PTPRM: variants seen among roughly 807,000 people sequenced by gnomAD.
PTPRM encodes the protein protein tyrosine phosphatase receptor type M, also known as receptor-type tyrosine-protein phosphatase mu.
A neutral mutation model predicts 186.7 loss-of-function variants in PTPRM; 47 were observed. The observed-to-expected ratio is 0.25, with a 90% CI of 0.20 to 0.32. PTPRM has a LOEUF of 0.32. Ranked by LOEUF, PTPRM falls within the 10% of genes least tolerant of loss-of-function variation. The probability of loss-of-function intolerance (pLI) is 1.00; values close to 1 mark genes in which losing one functional copy is unlikely to be tolerated. For missense variants in PTPRM, 1,494 were observed against 1,865.0 expected (o/e 0.80, Z 3.66); for synonymous variants, 668 against 674.9 (o/e 0.99, Z 0.16).
chr18:8,180,951 G>T (rs1418090860), intron 14 of PTPRM, among the ~76,000 whole-genome samples: 4 of 152,070 alleles, frequency 2.6e-5, no homozygotes, highest in Non-Finnish European at 5.9e-5. Context: ...GGCGGGTGGG[G>T]GGGCCCTCTC....
chr18:7,966,786 A>G (rs1038893764), intron 7 of PTPRM, among the ~76,000 whole-genome samples: 20 of 134,844 alleles, frequency 1.5e-4, no homozygotes, highest in African/African-American at 4.5e-4. Flanking sequence ...TATATCCCAC[A>G]CCTGGCTCGG....
intron 2 of PTPRM, among the ~76,000 whole-genome samples, chr18:7,850,644 C>T (rs2046815849): frequency 6.6e-6 from 1 of 152,168 alleles, no homozygotes; most frequent in African/African-American, 2.4e-5. Flanking sequence ...AAGAGTGAAT[C>T]TGAGAAGTGA....
At chr18:7,658,363 T>TATATATATATATATATATATATATATAC (rs1490051251) in intron 1 of PTPRM, among the ~76,000 whole-genome samples, 1 of 142,072 alleles carries the variant, frequency 7.0e-6, no homozygotes. Flanking sequence ...TATATATACA[T>TATATATATATATATATATATATATATAC]ACACACACAC....
At chr18:7,744,611 C>T (rs2040947868) in intron 1 of PTPRM, among the ~76,000 whole-genome samples, 1 of 152,068 alleles carries the variant, frequency 6.6e-6, no homozygotes, top group Non-Finnish European at 1.5e-5. Flanking sequence ...GTACCTGGCA[C>T]ATGGTAGGTA....
intron 1 of PTPRM, among the ~76,000 whole-genome samples, chr18:7,675,674 A>G (rs1363450088): frequency 1.3e-5 from 2 of 151,430 alleles, no homozygotes; most frequent in African/African-American, 4.9e-5. Context: ...ACCTTTGGAG[A>G]TATTCGGCAT....
At chr18:8,320,340 G>C (rs573946534) in intron 22 of PTPRM, among the ~76,000 whole-genome samples, 2 of 152,310 alleles carry the variant, frequency 1.3e-5, no homozygotes, top group South Asian at 4.1e-4. Context: ...GGAGTTAACA[G>C]ATTGAGGCTG....
chr18:8,020,243 G>A (rs991198999), intron 7 of PTPRM, among the ~76,000 whole-genome samples: 21 of 152,120 alleles, frequency 1.4e-4, no homozygotes, highest in African/African-American at 4.3e-4. Context: ...GAGGTCATCC[G>A]CAGTGCTCTG....
chr18:7,651,751 T>A (rs1211947560), intron 1 of PTPRM, among the ~76,000 whole-genome samples: 1 of 152,014 alleles, frequency 6.6e-6, no homozygotes, highest in East Asian at 1.9e-4. Context: ...AAAAATCAAT[T>A]CAAGATGGAT....
chr18:8,117,549 A>G (rs1367451324), intron 13 of PTPRM, among the ~76,000 whole-genome samples: 1 of 152,202 alleles, frequency 6.6e-6, no homozygotes, highest in African/African-American at 2.4e-5. Flanking sequence ...TTCCAAAGAC[A>G]TATTTTGACA....
At chr18:7,974,754 G>A (rs940624975) in intron 7 of PTPRM, among the ~76,000 whole-genome samples, 1 of 152,162 alleles carries the variant, frequency 6.6e-6, no homozygotes, top group Admixed American at 6.5e-5. Context: ...GGGCAGAGAA[G>A]AATAGTTCCC....
At chr18:8,292,042 T>C (rs1409900494) in intron 19 of PTPRM, among the ~76,000 whole-genome samples, 1 of 152,174 alleles carries the variant, frequency 6.6e-6, no homozygotes, top group Non-Finnish European at 1.5e-5. Context: ...CTATCCCAGT[T>C]ACTGTACTTG....
At chr18:8,137,431 T>C (rs2092662326) in intron 13 of PTPRM, among the ~76,000 whole-genome samples, 1 of 152,180 alleles carries the variant, frequency 6.6e-6, no homozygotes, top group Non-Finnish European at 1.5e-5. Context: ...TGTGTCCTGC[T>C]CGTTCCAGCC....
At chr18:7,925,637 G>C (rs972549799) in intron 4 of PTPRM, among the ~76,000 whole-genome samples, 13 of 152,094 alleles carry the variant, frequency 8.5e-5, no homozygotes, top group African/African-American at 2.4e-4. Flanking sequence ...AGATTTATCT[G>C]TCTCTCCCAG....
At chr18:8,209,392 GA>G (rs138549505) in intron 14 of PTPRM, among the ~76,000 whole-genome samples, 2,016 of 152,158 alleles carry the variant, frequency 0.013, 47 homozygotes, top group African/African-American at 0.046. Context: ...GAAGTGTCAA[GA>G]AAAAAATCAA....
chr18:8,276,263 A>C (rs746004186), intron 19 of PTPRM, among the ~76,000 whole-genome samples: 2 of 151,976 alleles, frequency 1.3e-5, no homozygotes, highest in South Asian at 2.1e-4. Context: ...TATCCTGTTT[A>C]CTGCCTATTT....
chr18:8,226,221 G>GA (rs560410365), intron 14 of PTPRM, among the ~76,000 whole-genome samples: 2 of 151,912 alleles, frequency 1.3e-5, no homozygotes, highest in Admixed American at 1.3e-4. Context: ...TTTAATTTTT[G>GA]AAAAAGCAAT....
Position 8,379,182 on chromosome 18 carries a change from A to G in PTPRM, c.3628A>G (p.Thr1210Ala). ...TCTCACGCAGACGCTAAACATGGTG[A>G]CACCAACGCTGCGAGTAGAGGACTG... ...KEEFRTLNMV[T>A]PTLRVEDCSI... Residue 1210 changes from threonine to alanine, a missense_variant, in exon 28 of 33, where the codon ACA (threonine) becomes GCA (alanine). Transcript: ENST00000580170. 6.2e-7 allele frequency: 1 copy of G among 1,605,534 alleles called. No homozygotes were observed. Among genetic ancestry groups the G allele is most frequent in the South Asian group, 1.1e-5 (1 of 89,892 alleles).
At chr18:7,643,358 G>T (rs1267285583) in intron 1 of PTPRM, among the ~76,000 whole-genome samples, 2 of 151,694 alleles carry the variant, frequency 1.3e-5, no homozygotes, top group African/African-American at 4.8e-5. Context: ...TATTTATTTT[G>T]AGACAGAGTC....
chr18:7,778,849 A>G (rs1343381944), intron 2 of PTPRM, among the ~76,000 whole-genome samples: 2 of 152,194 alleles, frequency 1.3e-5, no homozygotes, highest in African/African-American at 4.8e-5. Flanking sequence ...TGATATAGTA[A>G]CCTGGTATTT....
Sources: gnomAD v4.1 joint callset for allele counts (sites outside exome capture counted in the v4.1 genomes callset) on GRCh38, gnomAD v4.1.1 for gene constraint, MANE v1.5 for transcripts, NCBI Gene and HGNC (gene_info 2026-07-23, HGNC 2026-07-21) for gene names.